The following NPEPPS variants were observed in gnomAD, a reference collection of about 807,000 sequenced individuals.
NPEPPS encodes the protein puromycin-sensitive aminopeptidase.
NPEPPS carries 14 observed loss-of-function variants against 115.5 expected under a neutral mutation model. The ratio of observed to expected loss-of-function variants is 0.12; its 90% CI spans 0.08 to 0.19. The LOEUF (loss-of-function observed/expected upper bound fraction) is 0.19. Among genes scored for constraint, NPEPPS ranks in the 10% least tolerant of loss-of-function variants. NPEPPS has a pLI of 1.00. For synonymous variants in NPEPPS, 285 were observed against 390.6 expected, an observed-to-expected ratio of 0.73 and a Z score of 3.19; for missense variants, 523 against 1,110.8, an observed-to-expected ratio of 0.47 and a Z score of 7.52.
chr17:47,534,219 G>A (rs1024424380), intron 1 of NPEPPS, among the ~76,000 whole-genome samples: 19 of 152,004 alleles, frequency 1.2e-4, no homozygotes, highest in Admixed American at 1.2e-3. Flanking sequence ...AGCCTCCCAA[G>A]TAGCTGGGAC....
intron 1 of NPEPPS, among the ~76,000 whole-genome samples, chr17:47,536,382 TTC>T (rs774646784): frequency 0.27 from 35,847 of 132,476 alleles, 5,627 homozygotes; most frequent in East Asian, 0.42. Flanking sequence ...TCTGCATATT[TTC>T]TCTCTTTTTT....
intron 1 of NPEPPS, among the ~76,000 whole-genome samples, chr17:47,544,711 C>CTTTTT (rs938067387): frequency 8.8e-6 from 1 of 114,230 alleles, no homozygotes; most frequent in Admixed American, 1.0e-4. Context: ...TTTTTGTATT[C>CTTTTT]TTTTTTTTTT....
chr17:47,605,899 C>T (rs890196985), intron 17 of NPEPPS, among the ~76,000 whole-genome samples: 6 of 151,940 alleles, frequency 3.9e-5, no homozygotes, highest in Non-Finnish European at 5.9e-5. Flanking sequence ...TTTTTTGAGA[C>T]GGAGTTTCAT....
chr17:47,578,806 A>G (rs1221210513), intron 3 of NPEPPS, among the ~76,000 whole-genome samples: 1 of 152,006 alleles, frequency 6.6e-6, no homozygotes. Flanking sequence ...GTAAACATTT[A>G]GTGTCTTATC....
At chr17:47,544,736 C>T (rs1216945879) in intron 1 of NPEPPS, among the ~76,000 whole-genome samples, 2 of 114,086 alleles carry the variant, frequency 1.8e-5, no homozygotes, top group East Asian at 2.5e-4. Flanking sequence ...TTTTTTGAGA[C>T]GTAGGCTCAC....
chr17:47,563,878 T>C (rs1186136687), intron 2 of NPEPPS, among the ~76,000 whole-genome samples: 5 of 150,010 alleles, frequency 3.3e-5, no homozygotes, highest in African/African-American at 9.8e-5. Flanking sequence ...CCCTGAAAAG[T>C]GTTTCTTAAC....
At position 47,587,259 on chromosome 17, in the gene NPEPPS, A is replaced by C; in HGVS notation, c.1010A>C (p.Asn337Thr). ...RETALLIDPK[N>T]SCSSSRQWVA... ...ACTGCATTGCTTATTGATCCAAAAA[A>C]TTCCTGTTCTTCATCCCGCCAGTGG... Residue 337 changes from asparagine to threonine, a missense_variant, in exon 9 of 23, where the codon AAT becomes ACT. Asn to Thr is a moderately conservative substitution (Grantham distance 65). This residue lies in a region of NPEPPS where 144 missense variants were observed against 512.4 expected (regional missense o/e 0.28). Coordinates refer to ENST00000322157, the MANE Select transcript of NPEPPS (RefSeq NM_006310.4). 1 of 1,602,626 alleles carries C rather than the reference A, an allele frequency of 6.2e-7. No individual in the cohort carries two copies. Among genetic ancestry groups the C allele is most frequent in the South Asian group, 1.1e-5 (1 of 88,358 alleles).
At chr17:47,601,985 A>C in intron 15 of NPEPPS, 1 of 428,994 alleles carries the variant, frequency 2.3e-6, no homozygotes, top group Non-Finnish European at 4.2e-6. Context: ...AAAAAAAAAA[A>C]GTAGACTGAG....
chr17:47,556,683 G>A (rs1270670775), intron 2 of NPEPPS, among the ~76,000 whole-genome samples: 2 of 152,126 alleles, frequency 1.3e-5, no homozygotes, highest in South Asian at 2.1e-4. Context: ...CCCACCTCCC[G>A]GACGGGGCGG....
chr17:47,527,541 C>T (rs573489865), upstream of NPEPPS, among the ~76,000 whole-genome samples: 8 of 151,458 alleles, frequency 5.3e-5, no homozygotes, highest in African/African-American at 1.9e-4. Flanking sequence ...ACTTGATAAA[C>T]ATTCAATTAC....
intron 19 of NPEPPS, among the ~76,000 whole-genome samples, chr17:47,614,498 G>A (rs1914071262): frequency 6.6e-6 from 1 of 152,158 alleles, no homozygotes; most frequent in South Asian, 2.1e-4. Context: ...TAATAGACAG[G>A]AAATTAATTC....
intron 22 of NPEPPS, among the ~76,000 whole-genome samples, chr17:47,621,294 A>G (rs1310032852): frequency 6.6e-6 from 1 of 152,188 alleles, no homozygotes. Flanking sequence ...GAAGCAGCCA[A>G]AATGTGTTGA....
rs538110631 is a variant in NPEPPS at position 47,601,888 on chromosome 17, A to T, written c.1740+141A>T. ...TGTGAAACTTAGGACGAATTTTCAT[A>T]TAGTATTGTCCAGACATTTGTCCTT... is the stretch of plus-strand genomic sequence containing the variant. On this transcript the variant is annotated intron_variant, in intron 15 of 22. Transcript: ENST00000322157. 1.7e-4 allele frequency: 138 copies of T among 821,928 alleles called. No homozygotes were observed. In the South Asian group the frequency reaches 2.4e-3, roughly 14 times the overall value. The allele number at this position is 821,928 out of a possible 1,614,324, so 50.9% of individuals were successfully genotyped here.
At chr17:47,565,437 C>T (rs1173553578) in intron 2 of NPEPPS, among the ~76,000 whole-genome samples, 8 of 129,946 alleles carry the variant, frequency 6.2e-5, no homozygotes, top group Middle Eastern at 0.012. Flanking sequence ...ACCCGGGAGG[C>T]GGAGGTTGCA....
chr17:47,605,191 A>G, intron 16 of NPEPPS, 142 bp from the exon 17 acceptor site: 1 of 505,738 alleles, frequency 2.0e-6, no homozygotes, highest in East Asian at 3.1e-5. Flanking sequence ...TAGGATTTTT[A>G]TGCTAACAGT....
intron 17 of NPEPPS, among the ~76,000 whole-genome samples, chr17:47,606,095 T>C (rs886442469): frequency 6.6e-6 from 1 of 152,148 alleles, no homozygotes; most frequent in Non-Finnish European, 1.5e-5. Flanking sequence ...CAGGCTGGTC[T>C]CGAACCCCTG....
intron 1 of NPEPPS, among the ~76,000 whole-genome samples, chr17:47,535,370 T>A (rs1002995383): frequency 2.1e-5 from 3 of 144,040 alleles, no homozygotes; most frequent in African/African-American, 7.8e-5. Context: ...GCTAACCCAG[T>A]GAAACCCCGC....
chr17:47,537,029 C>T (rs1908353486), intron 1 of NPEPPS, among the ~76,000 whole-genome samples: 1 of 151,936 alleles, frequency 6.6e-6, no homozygotes, highest in Non-Finnish European at 1.5e-5. Context: ...TGCATATTTT[C>T]TATGTAATCA....
rs1190678567 is a variant in NPEPPS, at chr17:47,622,142, G to C, written c.*222G>C. ...CAAAAAATAAATAAAAAATAAAAAT[G>C]TAAATATGATAGTAATAAAATAGAG... On this transcript the variant is annotated 3_prime_UTR_variant, in exon 23 of 23. Coordinates refer to ENST00000322157, the MANE Select transcript of NPEPPS (RefSeq NM_006310.4). The C allele has an allele frequency of 1.7e-6, 2 of 1,211,296 alleles. No homozygotes were observed. The highest frequency in any genetic ancestry group is 2.1e-6 in the Non-Finnish European group (2 of 957,268). The allele number at this position is 1,211,296 out of a possible 1,614,324, so 75.0% of individuals were successfully genotyped here. A position where few individuals can be genotyped will look rare whatever the true frequency, so the allele number is the denominator to read the frequency against.
Sources: allele counts gnomAD v4.1 joint callset (sites outside exome capture counted in the v4.1 genomes callset), GRCh38; gene constraint gnomAD v4.1.1; regional missense constraint gnomAD v4.1.1; transcripts MANE v1.5; gene names NCBI Gene and HGNC (gene_info 2026-07-23, HGNC 2026-07-21).